OXR1: variants seen among roughly 807,000 people sequenced by gnomAD.
The protein encoded by OXR1 is oxidation resistance protein 1.
OXR1 carries 41 observed loss-of-function variants against 104.6 expected under a neutral mutation model. The observed-to-expected ratio is 0.39, with a 90% confidence interval of 0.31 to 0.51. The LOEUF (loss-of-function observed/expected upper bound fraction) is 0.51. Ranked by LOEUF, OXR1 falls within the 20% of genes least tolerant of loss-of-function variation. The probability of loss-of-function intolerance (pLI) is 0.77; values close to 1 mark genes in which losing one functional copy is unlikely to be tolerated. For missense variants in OXR1, 955 were observed against 1,031.9 expected (o/e 0.93, Z 1.02); for synonymous variants, 348 against 348.4 (o/e 1.00, Z 0.01).
intron 2 of OXR1, among the ~76,000 whole-genome samples, chr8:106,410,939 C>T (rs1818433523): frequency 6.6e-6 from 1 of 152,050 alleles, no homozygotes; most frequent in Non-Finnish European, 1.5e-5. Context: ...AATTATTCAC[C>T]TTTTTATTGA....
chr8:106,491,378 A>G (rs1233359766), intron 2 of OXR1, among the ~76,000 whole-genome samples: 4 of 152,220 alleles, frequency 2.6e-5, no homozygotes, highest in Non-Finnish European at 5.9e-5. Context: ...AGACAAACAC[A>G]TACATATACC....
At chr8:106,711,842 C>T (rs181754928) in intron 10 of OXR1, among the ~76,000 whole-genome samples, 3 of 152,208 alleles carry the variant, frequency 2.0e-5, no homozygotes, top group East Asian at 1.9e-4. Context: ...TTATAACAGA[C>T]AGTAAGCATG....
intron 3 of OXR1, among the ~76,000 whole-genome samples, chr8:106,659,890 A>G (rs1166055232): frequency 6.6e-6 from 1 of 152,168 alleles, no homozygotes; most frequent in Non-Finnish European, 1.5e-5. Flanking sequence ...TTCTGAAGTG[A>G]TATGTATTCC....
intron 2 of OXR1, among the ~76,000 whole-genome samples, chr8:106,417,805 T>A (rs1196287533): frequency 6.6e-6 from 1 of 152,162 alleles, no homozygotes; most frequent in Non-Finnish European, 1.5e-5. Context: ...CTCTCAAAAC[T>A]GGTAATTTGA....
At chr8:106,674,400 A>G (rs775032918) in intron 3 of OXR1, among the ~76,000 whole-genome samples, 6 of 152,162 alleles carry the variant, frequency 3.9e-5, no homozygotes, top group African/African-American at 1.2e-4. Context: ...CATTTACCCA[A>G]TGTCTGTACC....
At chr8:106,464,305 G>A (rs1284236245) in intron 2 of OXR1, among the ~76,000 whole-genome samples, 3 of 151,994 alleles carry the variant, frequency 2.0e-5, no homozygotes, top group African/African-American at 7.2e-5. Context: ...ATTTTGTGAT[G>A]AGAAAACTGA....
chr8:106,607,592 A>T (rs1295103845), intron 3 of OXR1, among the ~76,000 whole-genome samples: 1 of 152,004 alleles, frequency 6.6e-6, no homozygotes, highest in Non-Finnish European at 1.5e-5. Context: ...CCTCCTTCTC[A>T]TCTCTTCTTC....
At chr8:106,696,769 A>G (rs1830075453) in intron 7 of OXR1, among the ~76,000 whole-genome samples, 1 of 152,060 alleles carries the variant, frequency 6.6e-6, no homozygotes, top group Non-Finnish European at 1.5e-5. Context: ...TAAATCGACA[A>G]ACTCATCTTC....
At chr8:106,433,614 A>C (rs139649762) in intron 2 of OXR1, among the ~76,000 whole-genome samples, 3 of 152,314 alleles carry the variant, frequency 2.0e-5, no homozygotes, top group South Asian at 4.1e-4. Flanking sequence ...AGGACAGCTT[A>C]AGGGTTAGAA....
At chr8:106,365,588 C>A (rs77964633) in intron 2 of OXR1, among the ~76,000 whole-genome samples, 9,665 of 152,118 alleles carry the variant, frequency 0.064, 1,011 homozygotes, top group African/African-American at 0.22. Flanking sequence ...TCTATTCAAA[C>A]TATGCCTTTT....
intron 2 of OXR1, chr8:106,447,860 G>T: frequency 2.1e-6 from 3 of 1,444,250 alleles, no homozygotes; most frequent in Admixed American, 2.6e-5. Context: ...TGCCTTAGAT[G>T]TTGGTCTGAT....
intron 3 of OXR1, among the ~76,000 whole-genome samples, chr8:106,672,176 A>C (rs1316624399): frequency 6.6e-6 from 1 of 151,826 alleles, no homozygotes; most frequent in Non-Finnish European, 1.5e-5. Flanking sequence ...AGGTAGACAG[A>C]TAGAAAATAG....
intron 3 of OXR1, among the ~76,000 whole-genome samples, chr8:106,626,015 A>G (rs1822121043): frequency 6.7e-6 from 1 of 148,416 alleles, no homozygotes; most frequent in Non-Finnish European, 1.5e-5. Context: ...TTTTCTATCA[A>G]GAAGTACTAT....
chr8:106,346,498 TGAG>T (rs752860064), intron 1 of OXR1, among the ~76,000 whole-genome samples: 17 of 152,206 alleles, frequency 1.1e-4, no homozygotes, highest in Non-Finnish European at 1.9e-4. Flanking sequence ...GAATTGTGGC[TGAG>T]GTTTGGGTAA....
At chr8:106,296,452 T>G (rs1420627867) in intron 1 of OXR1, among the ~76,000 whole-genome samples, 1 of 152,194 alleles carries the variant, frequency 6.6e-6, no homozygotes, top group Non-Finnish European at 1.5e-5. Flanking sequence ...TCTCATTTGT[T>G]CCTTGTAACT....
At chr8:106,647,363 A>T (rs1009800306) in intron 3 of OXR1, among the ~76,000 whole-genome samples, 1 of 152,320 alleles carries the variant, frequency 6.6e-6, no homozygotes, top group Admixed American at 6.5e-5. Flanking sequence ...CAATGCTGTG[A>T]TCATGATTAT....
At chr8:106,349,611 CT>C (rs1313078523) in intron 1 of OXR1, among the ~76,000 whole-genome samples, 2 of 152,136 alleles carry the variant, frequency 1.3e-5, no homozygotes, top group East Asian at 3.8e-4. Context: ...TGAAAATTAT[CT>C]CCTGAGAAAA....
At chr8:106,580,921 T>C (rs1818179526) in intron 3 of OXR1, 1 of 934,750 alleles carries the variant, frequency 1.1e-6, no homozygotes, top group East Asian at 1.1e-4. Flanking sequence ...GAACATTCCT[T>C]AAGTAAATGA....
Position 106,679,276 on chromosome 8 carries a change from G to C in OXR1, c.287G>C (p.Gly96Ala). ...CGAATGTCTTTTCAGAAACCTAAAG[G>C]GACTATTGAGTATACTGTAAGTTAT... is the stretch of plus-strand genomic sequence containing the variant. ...GRRMSFQKPK[G>A]TIEYTVESRD... Residue 96 changes from glycine (G) to alanine (A), a missense_variant, in exon 4 of 17, where the codon GGG (glycine) becomes GCG (alanine). By Grantham distance (60) the Gly-to-Ala change is moderately conservative. Around this residue, in one of 2 missense-constraint regions of OXR1, gnomAD observed 849 missense variants for 852.9 expected, o/e 1.00. Transcript: ENST00000517566. 1 of 1,589,350 alleles carries C rather than the reference G, an allele frequency of 6.3e-7. No homozygotes were observed. The highest frequency in any genetic ancestry group is 8.6e-7 in the Non-Finnish European group (1 of 1,158,636).
Sources: gnomAD v4.1 joint callset for allele counts (sites outside exome capture counted in the v4.1 genomes callset) on GRCh38, gnomAD v4.1.1 for gene constraint, gnomAD v4.1.1 regional missense constraint, MANE v1.5 for transcripts, NCBI Gene and HGNC (gene_info 2026-07-23, HGNC 2026-07-21) for gene names.